Variants in RANBP2 observed in about 807,000 individuals in gnomAD.
RANBP2 encodes the protein RAN binding protein 2.
Under a neutral mutation model 303.6 loss-of-function variants are expected in RANBP2, and 57 were observed. The observed-to-expected ratio is 0.19, with a 90% CI of 0.15 to 0.23. The LOEUF (loss-of-function observed/expected upper bound fraction) is 0.23, where lower values mean the gene tolerates loss of function less well. RANBP2 is among the 10% of genes least tolerant of loss of function. RANBP2 has a pLI of 1.00. For missense variants in RANBP2, 3,138 were observed against 3,780.8 expected (o/e 0.83, Z 4.46); for synonymous variants, 1,167 against 1,301.5 (o/e 0.90, Z 2.23).
At chr2:109,462,966 C>T in the RANBP2 span, among the ~76,000 whole-genome samples, 1 of 152,212 alleles carries the variant, frequency 6.6e-6, no homozygotes, top group African/African-American at 2.4e-5. Context: ...CCCTAATGCG[C>T]AGTCACCCTG....
the RANBP2 span, among the ~76,000 whole-genome samples, chr2:109,044,246 C>T: frequency 1.6e-4 from 24 of 152,100 alleles, 1 homozygote; most frequent in South Asian, 1.9e-3. Context: ...TAATACCGGG[C>T]GCGGTGGCTC....
the RANBP2 span, among the ~76,000 whole-genome samples, chr2:109,202,211 C>A: frequency 2.0e-5 from 3 of 152,304 alleles, no homozygotes; most frequent in Admixed American, 1.3e-4. Context: ...GTTTCCCAAG[C>A]CACCTGTGGA....
At chr2:109,129,052 G>T in the RANBP2 span, 1 of 393,828 alleles carries the variant, frequency 2.5e-6, no homozygotes, top group South Asian at 1.8e-5. Flanking sequence ...TAGCGAGCAG[G>T]CCAGGGGCGC....
intron 1 of RANBP2, among the ~76,000 whole-genome samples, chr2:108,725,453 A>G (rs1349270581): frequency 6.6e-6 from 1 of 152,164 alleles, no homozygotes; most frequent in East Asian, 1.9e-4. Context: ...CCTTGAATCT[A>G]TTTCTTCATT....
intron 5 of RANBP2, 100 bp from the exon 6 acceptor site, chr2:108,736,004 A>G: frequency 6.2e-7 from 1 of 1,607,766 alleles, no homozygotes; most frequent in Non-Finnish European, 8.5e-7. Context: ...ATAGTTTCAC[A>G]AATGTGGTTG....
chr2:109,284,102 A>G, the RANBP2 span, among the ~76,000 whole-genome samples: 1 of 152,080 alleles, frequency 6.6e-6, no homozygotes, highest in African/African-American at 2.4e-5. Context: ...ATCCACCGTA[A>G]TGAAAGACCT....
At chr2:109,778,359 A>G in the RANBP2 span, among the ~76,000 whole-genome samples, 5 of 146,638 alleles carry the variant, frequency 3.4e-5, no homozygotes, top group African/African-American at 1.3e-4. Flanking sequence ...TAAATGGCAT[A>G]ACAGATAGAA....
chr2:108,729,286 T>C, intron 2 of RANBP2, 87 bp downstream of exon 2: 4 of 1,353,990 alleles, frequency 3.0e-6, no homozygotes, highest in Non-Finnish European at 4.0e-6. Flanking sequence ...AATATGTTCT[T>C]AGTAGTTCTT....
chr2:109,726,827 C>A, the RANBP2 span, among the ~76,000 whole-genome samples: 1 of 152,182 alleles, frequency 6.6e-6, no homozygotes, highest in African/African-American at 2.4e-5. Context: ...GCTTGGAGAA[C>A]CTTTGGGGCC....
chr2:109,060,246 C>T, the RANBP2 span, among the ~76,000 whole-genome samples: 2 of 152,152 alleles, frequency 1.3e-5, no homozygotes, highest in African/African-American at 4.8e-5. Context: ...AATACACATA[C>T]TTAGAAACTG....
the RANBP2 span, among the ~76,000 whole-genome samples, chr2:109,387,815 C>T: frequency 1.3e-5 from 2 of 152,068 alleles, no homozygotes; most frequent in Non-Finnish European, 2.9e-5. Context: ...GCAGTAGGTG[C>T]CCAATTCCAC....
At chr2:109,189,822 G>A in the RANBP2 span, among the ~76,000 whole-genome samples, 213 of 152,298 alleles carry the variant, frequency 1.4e-3, no homozygotes, top group African/African-American at 4.6e-3. Context: ...ACTGGTCAGA[G>A]TTCTCAAGCC....
chr2:109,180,506 A>G, the RANBP2 span, among the ~76,000 whole-genome samples: 92 of 152,228 alleles, frequency 6.0e-4, no homozygotes, highest in South Asian at 0.017. Flanking sequence ...CTCATCTTGA[A>G]TTGTACTCTC....
At chr2:109,282,822 C>A in the RANBP2 span, among the ~76,000 whole-genome samples, 1 of 152,064 alleles carries the variant, frequency 6.6e-6, no homozygotes, top group Non-Finnish European at 1.5e-5. Context: ...GGCTGGCAGG[C>A]AGGAGGAGGT....
At chr2:109,382,000 G>A in the RANBP2 span, among the ~76,000 whole-genome samples, 3 of 152,118 alleles carry the variant, frequency 2.0e-5, no homozygotes, top group Non-Finnish European at 4.4e-5. Context: ...TGAACTATAG[G>A]ACACAAAGAC....
chr2:109,516,355 T>C, the RANBP2 span, among the ~76,000 whole-genome samples: 1,866 of 152,340 alleles, frequency 0.012, 39 homozygotes, highest in African/African-American at 0.043. Flanking sequence ...AATGTGGCCA[T>C]GACGGGACAT....
At chr2:109,217,676 T>C in the RANBP2 span, among the ~76,000 whole-genome samples, 2 of 152,236 alleles carry the variant, frequency 1.3e-5, no homozygotes, top group East Asian at 1.9e-4. Flanking sequence ...TCTCACCGGC[T>C]AGAAGACCAG....
the RANBP2 span, among the ~76,000 whole-genome samples, chr2:109,387,312 T>C: frequency 1.2e-4 from 19 of 152,206 alleles, no homozygotes; most frequent in African/African-American, 4.3e-4. Flanking sequence ...GGGGATCCTG[T>C]TGTGTCCCTG....
At chr2:108,781,554 CTATT>C (rs1678259791) in intron 26 of RANBP2, 125 bp downstream of exon 26, 2 of 857,162 alleles carry the variant, frequency 2.3e-6, no homozygotes, top group Admixed American at 5.1e-5. Flanking sequence ...AATGGAAGCT[CTATT>C]TATTAGATGT....
Sources: allele counts gnomAD v4.1 joint callset (sites outside exome capture counted in the v4.1 genomes callset), GRCh38; gene constraint gnomAD v4.1.1; transcripts MANE v1.5; gene names NCBI Gene and HGNC (gene_info 2026-07-23, HGNC 2026-07-21).